Variants in TTC23L observed in about 807,000 individuals in gnomAD.
TTC23L encodes tetratricopeptide repeat domain 23 like, also known as tetratricopeptide repeat protein 23-like.
Under a neutral mutation model 48.1 loss-of-function variants are expected in TTC23L, and 42 were observed. The ratio of observed to expected loss-of-function variants is 0.87; its 90% CI spans 0.68 to 1.13. TTC23L has a LOEUF of 1.13. Among genes scored for constraint, TTC23L ranks in the 50% most tolerant of loss-of-function variants. The pLI is 0.00. For missense variants in TTC23L, 391 were observed against 421.0 expected (o/e 0.93, Z 0.62); for synonymous variants, 159 against 157.2 (o/e 1.01, Z -0.09).
the TTC23L span, chr5:34,925,025 C>G: frequency 6.4e-7 from 1 of 1,571,410 alleles, no homozygotes. Flanking sequence ...AACCCTTTGG[C>G]CAAAATGATT....
At chr5:34,854,826 T>G (rs1158378781) in intron 4 of TTC23L, among the ~76,000 whole-genome samples, 3 of 152,208 alleles carry the variant, frequency 2.0e-5, no homozygotes, top group Non-Finnish European at 4.4e-5. Context: ...CTCAAAGGTT[T>G]TACAACTTAG....
chr5:34,918,248 G>A, the TTC23L span: 13 of 527,970 alleles, frequency 2.5e-5, 1 homozygote, highest in African/African-American at 1.4e-4. Flanking sequence ...CCAGGAACTT[G>A]AAACTGCAGT....
At chr5:34,914,705 G>A in the TTC23L span, 2 of 1,614,174 alleles carry the variant, frequency 1.2e-6, no homozygotes, top group African/African-American at 1.3e-5. Context: ...CTGAATAAAA[G>A]CATTTGCTTG....
Position 34,875,379 on chromosome 5 carries a change from G to A in TTC23L, c.950-4802G>A, listed in dbSNP as rs372901865. Among the ~76,000 whole-genome samples the A allele has an allele frequency of 1.4e-4, 22 of 152,136 alleles. 1 individual carries two copies. Among genetic ancestry groups the A allele is most frequent in the African/African-American group, 2.2e-4 (9 of 41,492 alleles). On this transcript the variant is annotated intron_variant, in intron 8 of 10. Transcript: ENST00000505624. Reference sequence around the variant, plus strand: ...TAAACTCACAGGATCACAAAGTCCCGCAATAGGCCATCTTCAAGCTGAGGA... The same window carrying A: ...TAAACTCACAGGATCACAAAGTCCCACAATAGGCCATCTTCAAGCTGAGGA...
chr5:34,839,372 T>G (rs1215915185), intron 1 of TTC23L, 113 bp downstream of exon 1: 1 of 152,912 alleles, frequency 6.5e-6, no homozygotes, highest in Admixed American at 6.5e-5. Flanking sequence ...AGGTGCCCTT[T>G]GCGCACTCGC....
intron 10 of TTC23L, 104 bp downstream of exon 10, chr5:34,896,979 G>C (rs981718417): frequency 3.4e-5 from 18 of 528,992 alleles, no homozygotes; most frequent in Non-Finnish European, 5.4e-5. Context: ...GAGGAAGAAA[G>C]GCTCTGTAGC....
At chr5:34,922,356 A>T in the TTC23L span, 11 of 1,046,484 alleles carry the variant, frequency 1.1e-5, no homozygotes, top group Non-Finnish European at 1.6e-5. Context: ...CTTTTATGTT[A>T]TAGACTCCTA....
intron 2 of TTC23L, 86 bp from the exon 3 acceptor site, chr5:34,845,401 A>C (rs1759025956): frequency 7.4e-7 from 1 of 1,347,216 alleles, no homozygotes; most frequent in Non-Finnish European, 1.0e-6. Flanking sequence ...CCTATCCCCT[A>C]GTTGGGAGAG....
chr5:34,864,615 A>C, intron 6 of TTC23L, 53 bp downstream of exon 6: 1 of 1,575,088 alleles, frequency 6.3e-7, no homozygotes. Context: ...GCTTGGAATT[A>C]CATGATATAA....
the TTC23L span, chr5:34,915,768 A>C: frequency 2.5e-6 from 4 of 1,603,116 alleles, no homozygotes; most frequent in South Asian, 3.4e-5. Context: ...AACGGCGTGG[A>C]GGCTTTGCAG....
rs34702907 is a variant in TTC23L at position 34,866,970 on chromosome 5, G to C, written c.741G>C (p.Lys247Asn). 1.2e-3 allele frequency: 1,927 copies of C among 1,611,004 alleles called. 23 individuals carry two copies. The African/African-American group carries it at 0.023, about 19-fold the overall frequency. The stretch of plus-strand genomic sequence containing the variant: ...CAATTGGCGATGTTATTGCTGCCAA[G>C]GGTGATAGGACGTCAGATCTGATCA... The change falls in exon 7 of 11, where the codon AAG (lysine) becomes AAC (asparagine). Residue 247 changes from lysine (K) to asparagine (N), a missense_variant. Physicochemically the swap from Lys to Asn is moderately conservative, Grantham distance 94. Transcript: ENST00000505624.
the TTC23L span, chr5:34,909,353 T>A: frequency 1.3e-6 from 2 of 1,588,930 alleles, no homozygotes; most frequent in Non-Finnish European, 1.7e-6. Flanking sequence ...CAAAAGTAGA[T>A]AACCTATAGA....
At chr5:34,878,485 C>G (rs758588561) in intron 8 of TTC23L, among the ~76,000 whole-genome samples, 22 of 152,126 alleles carry the variant, frequency 1.4e-4, no homozygotes, top group Non-Finnish European at 8.8e-5. Flanking sequence ...ATAATCTCAG[C>G]AAGTTATTTT....
chr5:34,840,652 T>C lies in TTC23L; in HGVS notation c.-7-13T>C, dbSNP rs149393370. On this transcript the variant is annotated splice_polypyrimidine_tract_variant and intron_variant, in intron 1 of 10. Transcript: ENST00000505624. The stretch of plus-strand genomic sequence containing the variant: ...CTTTTCTCTCAAAGCTGACCTTACC[T>C]GATTCTTGGTAGGAAGAAGATGCAA... 216 of 1,613,114 alleles carry C rather than the reference T, an allele frequency of 1.3e-4. 2 individuals carry two copies. In the East Asian group the frequency reaches 4.8e-3, roughly 36 times the overall value.
chr5:34,925,259 A>G, the TTC23L span: 1 of 1,611,812 alleles, frequency 6.2e-7, no homozygotes, highest in Admixed American at 1.7e-5. Flanking sequence ...CACAGCTGCA[A>G]AATACAGAGA....
intron 6 of TTC23L, among the ~76,000 whole-genome samples, chr5:34,865,470 G>A (rs1293732214): frequency 6.6e-6 from 1 of 152,154 alleles, no homozygotes; most frequent in Non-Finnish European, 1.5e-5. Flanking sequence ...CTGTCACATA[G>A]GGCCTAAAGT....
intron 2 of TTC23L, among the ~76,000 whole-genome samples, chr5:34,844,466 A>G (rs937810063): frequency 1.5e-5 from 2 of 135,028 alleles, no homozygotes; most frequent in African/African-American, 2.7e-5. Context: ...AAAAAAGGTT[A>G]CACTTGGCAG....
chr5:34,876,148 G>T (rs532725747), intron 8 of TTC23L, among the ~76,000 whole-genome samples: 1 of 151,996 alleles, frequency 6.6e-6, no homozygotes, highest in Non-Finnish European at 1.5e-5. Flanking sequence ...TGCTTAGAGG[G>T]ATATTTATAG....
At chr5:34,924,836 T>A in the TTC23L span, 2 of 1,587,158 alleles carry the variant, frequency 1.3e-6, no homozygotes, top group Admixed American at 1.7e-5. Flanking sequence ...AATGTTTCCT[T>A]TTTATTAAAG....
Sources: allele counts gnomAD v4.1 joint callset (sites outside exome capture counted in the v4.1 genomes callset), GRCh38; gene constraint gnomAD v4.1.1; transcripts MANE v1.5; gene names NCBI Gene and HGNC (gene_info 2026-07-23, HGNC 2026-07-21).